AGPAT3: variants seen among roughly 807,000 people sequenced by gnomAD.
AGPAT3 encodes the protein 1-acylglycerol-3-phosphate O-acyltransferase 3.
Under a neutral mutation model 47.3 loss-of-function variants are expected in AGPAT3, and 5 were observed. That is an observed-to-expected ratio of 0.11 (90% CI 0.06 to 0.22). AGPAT3 has a LOEUF of 0.22. AGPAT3 is among the 10% of genes least tolerant of loss of function. The probability of loss-of-function intolerance (pLI) is 1.00; values close to 1 mark genes in which losing one functional copy is unlikely to be tolerated. For synonymous variants in AGPAT3, 212 were observed against 208.3 expected, an observed-to-expected ratio of 1.02 and a Z score of -0.15; for missense variants, 315 against 493.0, an observed-to-expected ratio of 0.64 and a Z score of 3.42.
Position 43,978,089 on chromosome 21 carries a change from G to A in AGPAT3, c.811G>A (p.Ala271Thr). The A allele has an allele frequency of 6.2e-7, 1 of 1,613,710 alleles. No individual in the cohort carries two copies. The highest frequency in any genetic ancestry group is 1.3e-5 in the African/African-American group (1 of 75,020). Reference protein sequence around the residue: ...EDIPLDEKEAAQWLHKLYQEK... With the variant: ...EDIPLDEKEATQWLHKLYQEK... ...CATCCCGCTGGATGAAAAGGAAGCA[G>A]CTCAGTGGCTTCATAAACTGTACCA... Residue 271 changes from alanine to threonine, a missense_variant, in exon 8 of 10, where the codon GCT (alanine) becomes ACT (threonine). Coordinates refer to ENST00000291572, the MANE Select transcript of AGPAT3 (RefSeq NM_020132.5).
chr21:43,924,493 G>A lies in AGPAT3; in HGVS notation c.-49+20474G>A, dbSNP rs115726823. Among the ~76,000 whole-genome samples the A allele has an allele frequency of 8.4e-3, 1,281 of 152,290 alleles. 21 individuals carry two copies. Among genetic ancestry groups the A allele is most frequent in the African/African-American group, 0.029 (1,221 of 41,556 alleles). On this transcript the variant is annotated intron_variant, in intron 2 of 9. Coordinates refer to ENST00000291572, the MANE Select transcript of AGPAT3 (RefSeq NM_020132.5). ...GCTTATCACACAGCTCCCCAGGTCC[G>A]CTCCCGTGAGGAGCAGGCTCTGCCT...
At chr21:43,945,011 G>A (rs540396135) in intron 2 of AGPAT3, among the ~76,000 whole-genome samples, 2 of 152,340 alleles carry the variant, frequency 1.3e-5, no homozygotes, top group African/African-American at 4.8e-5. Flanking sequence ...CCAGCAAGTC[G>A]GACCCTTTCT....
At chr21:43,897,421 T>G (rs1021686975) in intron 1 of AGPAT3, among the ~76,000 whole-genome samples, 4 of 151,828 alleles carry the variant, frequency 2.6e-5, no homozygotes, top group Non-Finnish European at 5.9e-5. Flanking sequence ...CCTTTTCTAT[T>G]CGACAAAACC....
chr21:43,915,834 A>G (rs2086716019), intron 2 of AGPAT3, among the ~76,000 whole-genome samples: 2 of 152,072 alleles, frequency 1.3e-5, no homozygotes, highest in Admixed American at 6.5e-5. Flanking sequence ...TAATTCCTTC[A>G]GTTACTTTGT....
chr21:43,873,905 C>T (rs931021585), intron 1 of AGPAT3, among the ~76,000 whole-genome samples: 3 of 152,110 alleles, frequency 2.0e-5, no homozygotes, highest in Admixed American at 6.6e-5. Context: ...AATTTCTGCT[C>T]ATTGTCAGGA....
In AGPAT3 at chr21:43,970,649, C is replaced by T. The variant is rs777764759; in HGVS notation, c.511-4C>T. The T allele has an allele frequency of 8.7e-6, 14 of 1,613,314 alleles. No homozygotes were observed. In the Admixed American group the frequency reaches 2.3e-4, roughly 27 times the overall value. On this transcript the variant is annotated splice_polypyrimidine_tract_variant and splice_region_variant and intron_variant, in intron 5 of 9. Coordinates refer to ENST00000291572, the MANE Select transcript of AGPAT3 (RefSeq NM_020132.5). The surrounding 1 kb of genome is among the most constrained non-coding windows in gnomAD (Gnocchi z 5.8). ...GAGTGACCCTGTCTCCGTGTTGATC[C>T]TAGTTTCTCCTGTACTGCGAGGGGA...
At chr21:43,918,203 G>GGTTGTGGGTGTTGCGGTGGTTGTGGGT (rs2086799387) in intron 2 of AGPAT3, among the ~76,000 whole-genome samples, 1 of 139,762 alleles carries the variant, frequency 7.2e-6, no homozygotes, top group Non-Finnish European at 1.6e-5. Context: ...GGGTTGTGGA[G>GGTTGTGGGTGTTGCGGTGGTTGTGGGT]GTTGTGGGTG....
intron 2 of AGPAT3, among the ~76,000 whole-genome samples, chr21:43,921,345 G>A (rs2086887316): frequency 6.6e-6 from 1 of 152,050 alleles, no homozygotes; most frequent in Non-Finnish European, 1.5e-5. Context: ...CCAGTAGACG[G>A]TGTTCCCAGA....
At chr21:43,910,622 T>C (rs189085863) in intron 2 of AGPAT3, among the ~76,000 whole-genome samples, 260 of 152,308 alleles carry the variant, frequency 1.7e-3, no homozygotes, top group Non-Finnish European at 2.8e-3. Flanking sequence ...CACGGGGGAC[T>C]GGAGGAGGTG....
intron 1 of AGPAT3, among the ~76,000 whole-genome samples, chr21:43,899,269 G>A (rs561496902): frequency 1.9e-4 from 29 of 152,296 alleles, no homozygotes; most frequent in African/African-American, 6.7e-4. Flanking sequence ...TCAGCACTTT[G>A]ATGTCAGCCT....
At chr21:43,879,741 A>ACT (rs1260634134) in intron 1 of AGPAT3, among the ~76,000 whole-genome samples, 1 of 152,056 alleles carries the variant, frequency 6.6e-6, no homozygotes, top group Non-Finnish European at 1.5e-5. Context: ...GGCTGTCTGC[A>ACT]CTCTGAGTCC....
In AGPAT3 at chr21:43,880,398, C is replaced by T. The variant is rs907095786; in HGVS notation, c.-112+15053C>T. 6.6e-6 allele frequency among the ~76,000 whole-genome samples: 1 copy of T among 152,210 alleles called. No individual in the cohort carries two copies. Among genetic ancestry groups the T allele is most frequent in the Non-Finnish European group, 1.5e-5 (1 of 68,042 alleles). On this transcript the variant is annotated intron_variant, in intron 1 of 9. Transcript: ENST00000291572. This position sits in a 1 kb window ranked among gnomAD's most constrained non-coding sequence, Gnocchi z 4.5. ...GCCTGTTCTTGTCTTGTTCTGGTGC[C>T]ACTTCCTCAGGTATGCGAGGGCTGC...
intron 7 of AGPAT3, among the ~76,000 whole-genome samples, chr21:43,975,228 G>A (rs1318991400): frequency 7.1e-6 from 1 of 140,086 alleles, no homozygotes; most frequent in Non-Finnish European, 1.6e-5. Context: ...CTGGTGTGTG[G>A]TAATGTTTTG....
rs974296551 is a variant in AGPAT3 at position 43,984,142 on chromosome 21, A to C, written c.*1750A>C. On this transcript the variant is annotated 3_prime_UTR_variant, in exon 10 of 10. Transcript: ENST00000291572. ...AACGAAACCAGATGAGACCAACGAC[A>C]CCATGCGAGACACGCTTGCAGACAC... The C allele has an allele frequency of 3.9e-5, 6 of 152,260 alleles. No homozygotes were observed. Among genetic ancestry groups the C allele is most frequent in the South Asian group, 2.1e-4 (1 of 4,826 alleles). 9.4% of individuals were successfully genotyped at this position (152,260 alleles called of 1,614,324 possible). A position where few individuals can be genotyped will look rare whatever the true frequency, so the allele number is the denominator to read the frequency against.
At chr21:43,941,669 C>T (rs189646028) in intron 2 of AGPAT3, among the ~76,000 whole-genome samples, 126 of 152,344 alleles carry the variant, frequency 8.3e-4, no homozygotes, top group South Asian at 2.3e-3. Context: ...CAGGAGCAAC[C>T]GCTCACTCAT....
In AGPAT3 at chr21:43,970,939, G is replaced by A. The variant is rs1362750513; in HGVS notation, c.664+133G>A. Reference sequence around the variant, plus strand: ...AGAAGTGCAAAAGGAATCAAGTGAGGGGGTCGGCGCCGCAAGGTTCCCGCG... The same window carrying A: ...AGAAGTGCAAAAGGAATCAAGTGAGAGGGTCGGCGCCGCAAGGTTCCCGCG... On this transcript the variant is annotated intron_variant, in intron 6 of 9. Transcript: ENST00000291572. This position sits in a 1 kb window ranked among gnomAD's most constrained non-coding sequence, Gnocchi z 5.8. 9.1e-7 allele frequency: 1 copy of A among 1,098,058 alleles called. No individual in the cohort carries two copies. The highest frequency in any genetic ancestry group is 1.2e-6 in the Non-Finnish European group (1 of 825,578). The allele number at this position is 1,098,058 out of a possible 1,614,324, so 68.0% of individuals were successfully genotyped here.
chr21:43,968,328 G>A (rs947183395), intron 4 of AGPAT3, among the ~76,000 whole-genome samples: 14 of 150,330 alleles, frequency 9.3e-5, no homozygotes, highest in African/African-American at 3.2e-4. Context: ...TGAGTGGGGG[G>A]TCCCAGGGAG....
At chr21:43,972,984 G>A (rs2089460156) in intron 7 of AGPAT3, among the ~76,000 whole-genome samples, 1 of 152,174 alleles carries the variant, frequency 6.6e-6, no homozygotes, top group Admixed American at 6.5e-5. Context: ...GCCTGCCCAC[G>A]GTGGCCACAG....
At chr21:43,949,146 G>C (rs767477834) in intron 2 of AGPAT3, among the ~76,000 whole-genome samples, 1 of 152,288 alleles carries the variant, frequency 6.6e-6, no homozygotes, top group South Asian at 2.1e-4. Flanking sequence ...CTGGGGCTGG[G>C]GGGGAGCTTT....
Sources: gnomAD v4.1 joint callset for allele counts (sites outside exome capture counted in the v4.1 genomes callset) on GRCh38, gnomAD v4.1.1 for gene constraint, Gnocchi (gnomAD v3.1) non-coding constraint, MANE v1.5 for transcripts, NCBI Gene and HGNC (gene_info 2026-07-23, HGNC 2026-07-21) for gene names.